Variants in PTPRM observed in about 807,000 individuals in gnomAD.
The protein encoded by PTPRM is receptor-type tyrosine-protein phosphatase mu.
A neutral mutation model predicts 186.7 loss-of-function variants in PTPRM; 47 were observed. That is an observed-to-expected ratio of 0.25 (90% CI 0.20 to 0.32). PTPRM has a LOEUF of 0.32. Among genes scored for constraint, PTPRM ranks in the 10% least tolerant of loss-of-function variants. PTPRM has a pLI of 1.00. For missense variants in PTPRM, 1,494 were observed against 1,865.0 expected, an observed-to-expected ratio of 0.80 and a Z score of 3.66; for synonymous variants, 668 against 674.9, an observed-to-expected ratio of 0.99 and a Z score of 0.16.
chr18:7,954,254 G>A (rs912798286), intron 6 of PTPRM, among the ~76,000 whole-genome samples: 1 of 152,178 alleles, frequency 6.6e-6, no homozygotes, highest in Admixed American at 6.5e-5. Context: ...GTTGTAAAGT[G>A]TGTTTGCTAG....
chr18:7,682,828 C>G (rs568774862), intron 1 of PTPRM, among the ~76,000 whole-genome samples: 94 of 152,204 alleles, frequency 6.2e-4, no homozygotes, highest in African/African-American at 2.1e-3. Flanking sequence ...TCCTCTCTGT[C>G]TTGGGCATTG....
At chr18:7,573,032 G>T (rs373128998) in intron 1 of PTPRM, among the ~76,000 whole-genome samples, 1 of 152,204 alleles carries the variant, frequency 6.6e-6, no homozygotes, top group Non-Finnish European at 1.5e-5. Context: ...GAGGAGGAAA[G>T]ATTTAGTCAC....
At chr18:7,879,580 T>A (rs2048400597) in intron 2 of PTPRM, among the ~76,000 whole-genome samples, 1 of 152,194 alleles carries the variant, frequency 6.6e-6, no homozygotes, top group Admixed American at 6.5e-5. Flanking sequence ...TTCAGCTCAA[T>A]ATTTTTATGA....
chr18:7,961,913 A>G (rs1445585013), intron 7 of PTPRM, among the ~76,000 whole-genome samples: 1 of 152,232 alleles, frequency 6.6e-6, no homozygotes. Context: ...TTACATAACT[A>G]TAATAAAAAC....
intron 1 of PTPRM, among the ~76,000 whole-genome samples, chr18:7,680,037 T>C (rs73389580): frequency 0.021 from 3,237 of 151,974 alleles, 83 homozygotes; most frequent in African/African-American, 0.06. Flanking sequence ...GGCTAATGTT[T>C]TTGGATTTTG....
chr18:7,680,278 G>C (rs2039450613), intron 1 of PTPRM, among the ~76,000 whole-genome samples: 1 of 152,196 alleles, frequency 6.6e-6, no homozygotes, highest in Non-Finnish European at 1.5e-5. Flanking sequence ...CAAAGGAGCA[G>C]TGGTGCCAGG....
intron 31 of PTPRM, among the ~76,000 whole-genome samples, chr18:8,392,903 T>C (rs995900097): frequency 3.9e-5 from 6 of 152,088 alleles, no homozygotes; most frequent in Non-Finnish European, 8.8e-5. Context: ...AAACAAATCA[T>C]AAAATAAATA....
intron 2 of PTPRM, among the ~76,000 whole-genome samples, chr18:7,816,901 A>G (rs1316192024): frequency 6.6e-6 from 1 of 152,202 alleles, no homozygotes; most frequent in Non-Finnish European, 1.5e-5. Context: ...AGTTAAGCAT[A>G]ATAACTGAAA....
chr18:7,764,085 A>C (rs2041911003), intron 1 of PTPRM, among the ~76,000 whole-genome samples: 1 of 152,122 alleles, frequency 6.6e-6, no homozygotes, highest in East Asian at 1.9e-4. Flanking sequence ...CTTAGCATGA[A>C]ATTTAAGCAA....
intron 19 of PTPRM, among the ~76,000 whole-genome samples, chr18:8,254,060 C>T (rs1269479853): frequency 1.3e-5 from 2 of 152,158 alleles, no homozygotes; most frequent in Non-Finnish European, 2.9e-5. Flanking sequence ...CAGGAAGAAA[C>T]TGTCCACTTA....
At chr18:8,069,412 A>C (rs1349669972) in intron 7 of PTPRM, among the ~76,000 whole-genome samples, 1 of 152,250 alleles carries the variant, frequency 6.6e-6, no homozygotes, top group Non-Finnish European at 1.5e-5. Context: ...CTGCCTTTTA[A>C]GAACACCTCT....
intron 2 of PTPRM, among the ~76,000 whole-genome samples, chr18:7,870,357 A>T (rs920029924): frequency 6.6e-6 from 1 of 151,980 alleles, no homozygotes; most frequent in Admixed American, 6.6e-5. Context: ...CCTTTTGGCA[A>T]CTCAGTTTTC....
chr18:8,333,385 T>A (rs1317115412), intron 22 of PTPRM, among the ~76,000 whole-genome samples: 2 of 152,240 alleles, frequency 1.3e-5, no homozygotes, highest in Non-Finnish European at 2.9e-5. Context: ...TGAGGCAGAT[T>A]CAGTTTGTAA....
At position 8,406,276 on chromosome 18, in the gene PTPRM, TTGGCTC is replaced by T. The variant is rs905154792; in HGVS notation, c.*116_*121del. 1 of 1,047,496 alleles carries T rather than the reference TTGGCTC, an allele frequency of 9.5e-7. No individual in the cohort carries two copies. Among genetic ancestry groups the T allele is most frequent in the Non-Finnish European group, 1.4e-6 (1 of 709,778 alleles). 64.9% of individuals were successfully genotyped at this position (1,047,496 alleles called of 1,614,324 possible). A position where few individuals can be genotyped will look rare whatever the true frequency, so the allele number is the denominator to read the frequency against. On this transcript the variant is annotated 3_prime_UTR_variant, in exon 33 of 33. Coordinates refer to ENST00000580170, the MANE Select transcript of PTPRM (RefSeq NM_001105244.2). ...AATATGCTTATTTTGCTTTGCATAA[TTGGCTC>T]TTTTTAAGAGCCCAAGAAAGTGTTT...
At chr18:8,257,584 C>G (rs1248759446) in intron 19 of PTPRM, among the ~76,000 whole-genome samples, 2 of 152,160 alleles carry the variant, frequency 1.3e-5, no homozygotes, top group South Asian at 2.1e-4. Flanking sequence ...TGTTCTATCT[C>G]TATTCAAAAA....
intron 1 of PTPRM, among the ~76,000 whole-genome samples, chr18:7,750,420 C>T (rs577191821): frequency 6.6e-6 from 1 of 152,362 alleles, no homozygotes; most frequent in African/African-American, 2.4e-5. Flanking sequence ...TGTGTGCTCA[C>T]TGGCTATGCC....
chr18:8,242,511 C>A (rs755689498), intron 14 of PTPRM, among the ~76,000 whole-genome samples: 1 of 152,128 alleles, frequency 6.6e-6, no homozygotes, highest in Non-Finnish European at 1.5e-5. Flanking sequence ...ATGATCCCCA[C>A]GGGGCAAGAG....
intron 14 of PTPRM, among the ~76,000 whole-genome samples, chr18:8,232,098 A>T (rs935749310): frequency 1.3e-5 from 2 of 152,180 alleles, no homozygotes; most frequent in Non-Finnish European, 2.9e-5. Context: ...TTAACCTTTG[A>T]CAATCACTAA....
intron 2 of PTPRM, among the ~76,000 whole-genome samples, chr18:7,837,564 C>T (rs1177633973): frequency 1.3e-5 from 2 of 152,096 alleles, no homozygotes; most frequent in East Asian, 3.9e-4. Context: ...AAGTGATTCT[C>T]TTGCCTCAGC....
Sources: gnomAD v4.1 joint callset for allele counts (sites outside exome capture counted in the v4.1 genomes callset) on GRCh38, gnomAD v4.1.1 for gene constraint, MANE v1.5 for transcripts, NCBI Gene and HGNC (gene_info 2026-07-23, HGNC 2026-07-21) for gene names.